LRRC7: variants seen among roughly 807,000 people sequenced by gnomAD.
LRRC7 encodes the protein leucine rich repeat containing 7, also known as leucine-rich repeat-containing protein 7.
Under a neutral mutation model 175.7 loss-of-function variants are expected in LRRC7, and 23 were observed. That is an observed-to-expected ratio of 0.13 (90% CI 0.09 to 0.19). The LOEUF is 0.19. LRRC7 is among the 10% of genes least tolerant of loss of function. The probability of loss-of-function intolerance (pLI) is 1.00; values close to 1 mark genes in which losing one functional copy is unlikely to be tolerated. For missense variants in LRRC7, 1,354 were observed against 1,904.7 expected (o/e 0.71, Z 5.38); for synonymous variants, 685 against 680.9 (o/e 1.01, Z -0.09).
intron 7 of LRRC7, among the ~76,000 whole-genome samples, chr1:69,858,061 T>G (rs1216361451): frequency 6.6e-6 from 1 of 152,132 alleles, no homozygotes; most frequent in East Asian, 1.9e-4. Context: ...TAGCCATATG[T>G]AGAAAGCTGA....
At chr1:69,668,372 A>G (rs1205536379) in intron 1 of LRRC7, among the ~76,000 whole-genome samples, 1 of 150,648 alleles carries the variant, frequency 6.6e-6, no homozygotes, top group African/African-American at 2.4e-5. Flanking sequence ...TTCAACTCCC[A>G]CTTATAAGTG....
At chr1:70,029,676 T>C (rs1658502537) in intron 18 of LRRC7, among the ~76,000 whole-genome samples, 1 of 152,144 alleles carries the variant, frequency 6.6e-6, no homozygotes, top group South Asian at 2.1e-4. Context: ...ACACACTAAA[T>C]ACATACATAT....
rs530809868 is a variant in LRRC7, at chr1:70,134,631, A to T, written c.*12744A>T. Among the ~76,000 whole-genome samples the T allele has an allele frequency of 5.9e-5, 9 of 152,344 alleles. No individual in the cohort carries two copies. The highest frequency in any genetic ancestry group is 2.9e-5 in the Non-Finnish European group (2 of 68,040). Reference sequence around the variant, plus strand: ...ATCCTCTGGTGTTTTCCTCCAAAAAAAACAATTTCCTTCTAGCCACATGAT... The same window carrying T: ...ATCCTCTGGTGTTTTCCTCCAAAAATAACAATTTCCTTCTAGCCACATGAT... On this transcript the variant is annotated 3_prime_UTR_variant, in exon 27 of 27. Transcript: ENST00000651989.
chr1:70,127,287 A>G lies in LRRC7; in HGVS notation c.*5400A>G, dbSNP rs1469825794. 6.6e-6 allele frequency among the ~76,000 whole-genome samples: 1 copy of G among 152,154 alleles called. No homozygotes were observed. On this transcript the variant is annotated 3_prime_UTR_variant, in exon 27 of 27. Coordinates refer to ENST00000651989, the MANE Select transcript of LRRC7 (RefSeq NM_001370785.2). ...CAGGTTCCAATCTTCCTTACTTTCA[A>G]CACTGCCTGCAAGAGAATGGTTTGG...
intron 8 of LRRC7, among the ~76,000 whole-genome samples, chr1:69,979,832 C>T (rs1653232977): frequency 6.6e-6 from 1 of 151,576 alleles, no homozygotes; most frequent in Admixed American, 6.6e-5. Context: ...ACATAATTGC[C>T]GTTTTTGCCA....
chr1:70,079,441 G>A (rs777933796), intron 24 of LRRC7, among the ~76,000 whole-genome samples: 1 of 152,136 alleles, frequency 6.6e-6, no homozygotes, highest in Non-Finnish European at 1.5e-5. Flanking sequence ...TAAGAGCAAG[G>A]AGACACAGTA....
Position 70,121,866 on chromosome 1 carries a change from T to C in LRRC7, c.4707T>C (p.Ile1569=). The part of the protein sequence containing the change: ...KSFQNTVDLV[I]QRELTV ...TCCAGAACACAGTAGACCTAGTTATTCAACGTGAGCTTACTGTCTAAATAT... is the reference window on the plus strand; with the variant it reads ...TCCAGAACACAGTAGACCTAGTTATCCAACGTGAGCTTACTGTCTAAATAT... Residue 1569 remains isoleucine (I), a synonymous_variant, in exon 27 of 27, where the codon ATT becomes ATC. Transcript: ENST00000651989. The C allele has an allele frequency of 6.2e-7, 1 of 1,606,050 alleles. No homozygotes were observed.
chr1:70,039,483 T>C lies in LRRC7; in HGVS notation c.3659T>C (p.Val1220Ala). 6.2e-7 allele frequency: 1 copy of C among 1,614,074 alleles called. No homozygotes were observed. ...GATGAACACCCTTCATATCAAGAAG[T>C]GAAAGCTCAGGCGGGAAGTTTTCCG... is the stretch of plus-strand genomic sequence containing the variant. ...YEDEHPSYQE[V>A]KAQAGSFPVK... is the part of the protein sequence containing the mutation. The change falls in exon 21 of 27, where the codon GTG becomes GCG. Residue 1220 changes from valine to alanine, a missense_variant. By Grantham distance (64) the Val-to-Ala change is moderately conservative. This residue lies in a region of LRRC7 where 1,032 missense variants were observed against 1,227.2 expected (regional missense o/e 0.84). Coordinates refer to ENST00000651989, the MANE Select transcript of LRRC7 (RefSeq NM_001370785.2).
chr1:69,933,257 T>C (rs1174370953), intron 8 of LRRC7, among the ~76,000 whole-genome samples: 1 of 152,180 alleles, frequency 6.6e-6, no homozygotes, highest in Non-Finnish European at 1.5e-5. Context: ...ATATACCTAG[T>C]GTTGTTACAA....
At chr1:69,925,588 A>G (rs559181379) in intron 7 of LRRC7, among the ~76,000 whole-genome samples, 88 of 152,194 alleles carry the variant, frequency 5.8e-4, no homozygotes, top group South Asian at 1.2e-3. Flanking sequence ...TTATTTGCAT[A>G]GAGGTGTTTG....
At chr1:69,772,138 A>G (rs1229441808) in intron 3 of LRRC7, among the ~76,000 whole-genome samples, 2 of 152,120 alleles carry the variant, frequency 1.3e-5, no homozygotes, top group South Asian at 2.1e-4. Flanking sequence ...AATAAATAAG[A>G]AAAAAGAAAG....
chr1:70,076,022 A>C, intron 23 of LRRC7, 55 bp from the exon 24 acceptor site: 1 of 1,589,484 alleles, frequency 6.3e-7, no homozygotes, highest in Non-Finnish European at 8.6e-7. Flanking sequence ...TTTCTACTTT[A>C]ATCACATCCT....
Position 70,136,132 on chromosome 1 carries a change from TG to T in LRRC7, c.*14246del, listed in dbSNP as rs555113658. On this transcript the variant is annotated 3_prime_UTR_variant, in exon 27 of 27. Coordinates refer to ENST00000651989, the MANE Select transcript of LRRC7 (RefSeq NM_001370785.2). ...CTTATCAGGCAATTTTTTTTTTTTTTGCATTTCCACGTTTCCCAAAAAATGA... is the reference window on the plus strand; with the variant it reads ...CTTATCAGGCAATTTTTTTTTTTTTTCATTTCCACGTTTCCCAAAAAATGA... Among the ~76,000 whole-genome samples, 80 of 151,804 alleles carry T rather than the reference TG, an allele frequency of 5.3e-4. 1 individual carries two copies. The South Asian group carries it at 0.016, about 30-fold the overall frequency.
At chr1:69,798,635 A>C (rs978259753) in intron 4 of LRRC7, among the ~76,000 whole-genome samples, 1 of 152,310 alleles carries the variant, frequency 6.6e-6, no homozygotes, top group South Asian at 2.1e-4. Context: ...TAGATTTCAT[A>C]CTTTAGGGGT....
At chr1:69,916,311 A>C (rs376107643) in intron 7 of LRRC7, among the ~76,000 whole-genome samples, 9 of 140,114 alleles carry the variant, frequency 6.4e-5, no homozygotes, top group East Asian at 2.0e-4. Flanking sequence ...AACTATATAT[A>C]TATATAGTTT....
chr1:69,589,832 G>A (rs1419283806), intron 1 of LRRC7, among the ~76,000 whole-genome samples: 2 of 152,202 alleles, frequency 1.3e-5, no homozygotes, highest in African/African-American at 2.4e-5. Context: ...GTAGTCTGTG[G>A]CTAATAATCA....
chr1:69,750,647 G>A (rs972490205), intron 2 of LRRC7, among the ~76,000 whole-genome samples: 2 of 152,134 alleles, frequency 1.3e-5, no homozygotes, highest in Admixed American at 1.3e-4. Context: ...CAAGGTGCCA[G>A]CAAGTTCAGA....
At position 70,143,966 on chromosome 1, in the gene LRRC7, C is replaced by G. The variant is rs965032726; in HGVS notation, c.*22079C>G. The G allele has an allele frequency of 1.3e-5, 2 of 152,088 alleles. No homozygotes were observed. Among genetic ancestry groups the G allele is most frequent in the African/African-American group, 2.4e-5 (1 of 41,412 alleles). 9.4% of individuals were successfully genotyped at this position (152,088 alleles called of 1,614,324 possible). ...TATTTACTACTTTATTAACATAGAT[C>G]GTGAATGTACTTACTGGTTTTTTTG... On this transcript the variant is annotated 3_prime_UTR_variant, in exon 27 of 27. Coordinates refer to ENST00000651989, the MANE Select transcript of LRRC7 (RefSeq NM_001370785.2).
Position 69,670,327 on chromosome 1 carries a change from T to C in LRRC7, c.3-8054T>C, listed in dbSNP as rs575480612. ...ATTAATGCTGTGGTTCTTGCAAACATAGAGGTACTACCTTAGTTGTCTTGC... is the reference window on the plus strand; with the variant it reads ...ATTAATGCTGTGGTTCTTGCAAACACAGAGGTACTACCTTAGTTGTCTTGC... On this transcript the variant is annotated intron_variant, in intron 1 of 26. Transcript: ENST00000651989. Among the ~76,000 whole-genome samples, 4 of 152,322 alleles carry C rather than the reference T, an allele frequency of 2.6e-5. No homozygotes were observed. In the South Asian group the frequency reaches 8.3e-4, roughly 32 times the overall value.
Sources: gnomAD v4.1 joint callset for allele counts (sites outside exome capture counted in the v4.1 genomes callset) on GRCh38, gnomAD v4.1.1 for gene constraint, gnomAD v4.1.1 regional missense constraint, MANE v1.5 for transcripts, NCBI Gene and HGNC (gene_info 2026-07-23, HGNC 2026-07-21) for gene names.